The following EPB41L4B variants were observed in gnomAD, a reference collection of about 807,000 sequenced individuals.
EPB41L4B encodes erythrocyte membrane protein band 4.1 like 4B.
In EPB41L4B, 30 loss-of-function variants were observed where a neutral mutation model predicts 112.5. The ratio of observed to expected loss-of-function variants is 0.27; its 90% CI spans 0.20 to 0.36. The LOEUF (loss-of-function observed/expected upper bound fraction) is 0.36, where lower values mean the gene tolerates loss of function less well. Among genes scored for constraint, EPB41L4B ranks in the 10% least tolerant of loss-of-function variants. The pLI, the probability that EPB41L4B is intolerant of heterozygous loss-of-function variation, is 1.00. For synonymous variants in EPB41L4B, 408 were observed against 439.7 expected (o/e 0.93, Z 0.90); for missense variants, 1,024 against 1,133.3 (o/e 0.90, Z 1.38).
At chr9:109,280,861 A>G (rs1157471258) in intron 1 of EPB41L4B, among the ~76,000 whole-genome samples, 5 of 152,188 alleles carry the variant, frequency 3.3e-5, no homozygotes, top group African/African-American at 1.2e-4. Context: ...TATTATGGAA[A>G]CTGGTAAAGA....
At chr9:109,242,388 T>C (rs1197486122) in intron 15 of EPB41L4B, among the ~76,000 whole-genome samples, 1 of 152,240 alleles carries the variant, frequency 6.6e-6, no homozygotes, top group Non-Finnish European at 1.5e-5. Flanking sequence ...GAAGGCCTGC[T>C]TCTAGGCCAT....
intron 1 of EPB41L4B, among the ~76,000 whole-genome samples, chr9:109,307,704 C>T (rs141924423): frequency 4.5e-4 from 68 of 152,282 alleles, no homozygotes; most frequent in African/African-American, 1.5e-3. Flanking sequence ...TAACTAACCC[C>T]GGTAGGCTTT....
intron 1 of EPB41L4B, among the ~76,000 whole-genome samples, chr9:109,296,201 T>C (rs1836723620): frequency 6.6e-6 from 1 of 152,174 alleles, no homozygotes; most frequent in African/African-American, 2.4e-5. Context: ...CCTTGCAACT[T>C]AGGAATGTGA....
chr9:109,249,072 A>AAAAAAAAAAAT, intron 13 of EPB41L4B, among the ~76,000 whole-genome samples: 1 of 130,900 alleles, frequency 7.6e-6, no homozygotes, highest in East Asian at 2.2e-4. Flanking sequence ...AAAAAAAAAA[A>AAAAAAAAAAAT]ATATATATAT....
At chr9:109,178,893 T>C (rs933989697) in intron 24 of EPB41L4B, among the ~76,000 whole-genome samples, 2 of 57,064 alleles carry the variant, frequency 3.5e-5, no homozygotes, top group African/African-American at 1.7e-4. Flanking sequence ...GATTGCCATA[T>C]ACTTCAAGTA....
chr9:109,217,080 C>T lies in EPB41L4B; in HGVS notation c.1475G>A (p.Gly492Glu). The T allele has an allele frequency of 2.5e-6, 4 of 1,614,178 alleles. No homozygotes were observed. Among genetic ancestry groups the T allele is most frequent in the Non-Finnish European group, 3.4e-6 (4 of 1,180,054 alleles). ...DRLPFGIEEN[G>E]GTPFLTAASG... ...AGCTGCGGTGAGGAACGGTGTGCCC[C>T]CATTCTCCTCAATGCCAAAAGGCAA... The change falls in exon 16 of 26, where the codon GGG (glycine) becomes GAG (glutamate). Residue 492 changes from glycine (G) to glutamate (E), a missense_variant. By Grantham distance (98) the Gly-to-Glu change is moderately conservative. Coordinates refer to ENST00000374566, the MANE Select transcript of EPB41L4B (RefSeq NM_019114.5).
At chr9:109,276,784 G>T (rs550381815) in intron 2 of EPB41L4B, among the ~76,000 whole-genome samples, 1 of 152,220 alleles carries the variant, frequency 6.6e-6, no homozygotes, top group Non-Finnish European at 1.5e-5. Flanking sequence ...AATCTGAGTG[G>T]CTAATGAGGG....
intron 1 of EPB41L4B, among the ~76,000 whole-genome samples, chr9:109,301,535 G>A (rs889471887): frequency 6.6e-6 from 1 of 152,084 alleles, no homozygotes; most frequent in Admixed American, 6.5e-5. Context: ...CTACCCCCGA[G>A]GCAACAGTTA....
chr9:109,242,123 G>A (rs1834372872), intron 15 of EPB41L4B, among the ~76,000 whole-genome samples: 1 of 152,214 alleles, frequency 6.6e-6, no homozygotes, highest in Admixed American at 6.5e-5. Context: ...CTACAGGGCT[G>A]CTTGGAGGCA....
intron 2 of EPB41L4B, among the ~76,000 whole-genome samples, 161 bp downstream of exon 2, chr9:109,279,656 C>T (rs1328027078): frequency 3.9e-5 from 6 of 152,216 alleles, no homozygotes; most frequent in African/African-American, 9.7e-5. Flanking sequence ...AGCATTGTGA[C>T]GCATGGCACT....
chr9:109,299,731 ACTC>A (rs1836883807), intron 1 of EPB41L4B, among the ~76,000 whole-genome samples: 1 of 151,648 alleles, frequency 6.6e-6, no homozygotes, highest in Non-Finnish European at 1.5e-5. Flanking sequence ...TTTCAGCAAT[ACTC>A]CTCACCCCTC....
chr9:109,252,732 T>C (rs1225545366), intron 12 of EPB41L4B, among the ~76,000 whole-genome samples: 1 of 152,086 alleles, frequency 6.6e-6, no homozygotes, highest in African/African-American at 2.4e-5. Flanking sequence ...GAGCAAACAC[T>C]GAGTACAAAC....
chr9:109,213,876 G>T, intron 16 of EPB41L4B, 58 bp from the exon 17 acceptor site: 5 of 1,498,832 alleles, frequency 3.3e-6, no homozygotes, highest in Non-Finnish European at 4.6e-6. Context: ...ATAGATACAG[G>T]GGAAAAGGGA....
At chr9:109,252,023 T>C (rs1270908491) in intron 12 of EPB41L4B, among the ~76,000 whole-genome samples, 1 of 152,048 alleles carries the variant, frequency 6.6e-6, no homozygotes, top group Non-Finnish European at 1.5e-5. Flanking sequence ...ACAAAGAAGA[T>C]GCTAGAACTC....
chr9:109,240,356 C>T, intron 15 of EPB41L4B: 1 of 985,356 alleles, frequency 1.0e-6, no homozygotes, highest in Non-Finnish European at 1.2e-6. Flanking sequence ...AGGTATGCAG[C>T]TGATACCTTC....
At chr9:109,292,685 G>A (rs1836577331) in intron 1 of EPB41L4B, among the ~76,000 whole-genome samples, 1 of 152,214 alleles carries the variant, frequency 6.6e-6, no homozygotes, top group African/African-American at 2.4e-5. Context: ...CTTTTAAACT[G>A]TGGAGCTTAC....
intron 15 of EPB41L4B, among the ~76,000 whole-genome samples, chr9:109,219,967 C>A (rs1267812931): frequency 6.6e-6 from 1 of 151,984 alleles, no homozygotes; most frequent in Non-Finnish European, 1.5e-5. Flanking sequence ...CAAAGAAAGA[C>A]AAGATGAGCA....
At chr9:109,190,841 G>A (rs964263091) in intron 22 of EPB41L4B, among the ~76,000 whole-genome samples, 1 of 152,198 alleles carries the variant, frequency 6.6e-6, no homozygotes, top group African/African-American at 2.4e-5. Context: ...GATAGGCTGG[G>A]GCCAGTTAGT....
intron 23 of EPB41L4B, among the ~76,000 whole-genome samples, chr9:109,184,366 C>T (rs1222877001): frequency 2.6e-5 from 4 of 152,098 alleles, no homozygotes; most frequent in African/African-American, 4.8e-5. Context: ...ATTACAGGCA[C>T]GTGCCACGAT....
Sources: gnomAD v4.1 joint callset for allele counts (sites outside exome capture counted in the v4.1 genomes callset) on GRCh38, gnomAD v4.1.1 for gene constraint, MANE v1.5 for transcripts, NCBI Gene and HGNC (gene_info 2026-07-23, HGNC 2026-07-21) for gene names.